Variants in SNRPN observed in about 807,000 individuals in gnomAD.
SNRPN encodes small nuclear ribonucleoprotein polypeptide N, also known as small nuclear ribonucleoprotein-associated protein N.
In SNRPN, 7 loss-of-function variants were observed where a neutral mutation model predicts 25.2. The observed-to-expected ratio is 0.28, with a 90% CI of 0.16 to 0.52. The LOEUF is 0.52. Among genes scored for constraint, SNRPN ranks in the 20% least tolerant of loss-of-function variants. The probability of loss-of-function intolerance (pLI) is 0.96; values close to 1 mark genes in which losing one functional copy is unlikely to be tolerated. For synonymous variants in SNRPN, 124 were observed against 110.6 expected (o/e 1.12, Z -0.76); for missense variants, 196 against 322.5 (o/e 0.61, Z 3.00).
chr15:24,933,946 A>G (rs962491993), intron 3 of SNRPN, among the ~76,000 whole-genome samples: 3 of 152,200 alleles, frequency 2.0e-5, no homozygotes, highest in Non-Finnish European at 4.4e-5. Flanking sequence ...ACCTGTGGCT[A>G]AATTTGGACT....
In SNRPN at chr15:24,977,822, T is replaced by C. The variant is rs1378217455; in HGVS notation, c.465T>C (p.Val155=). ...QGRGTVAAAA[V]AATASIAGAP... Reference sequence around the variant, plus strand: ...GAGGCACTGTAGCAGCTGCTGCTGTTGCTGCGACTGCCAGTATTGCTGGAG... The same window carrying C: ...GAGGCACTGTAGCAGCTGCTGCTGTCGCTGCGACTGCCAGTATTGCTGGAG... Residue 155 remains valine (V), a synonymous_variant, in exon 8 of 10, where the codon GTT becomes GTC. Transcript: ENST00000390687. 1 of 1,613,086 alleles carries C rather than the reference T, an allele frequency of 6.2e-7. No homozygotes were observed. The highest frequency in any genetic ancestry group is 1.3e-5 in the African/African-American group (1 of 74,906).
intron 1 of SNRPN, among the ~76,000 whole-genome samples, chr15:24,878,904 TATGAG>T (rs2056298725): frequency 6.6e-6 from 1 of 152,094 alleles, no homozygotes; most frequent in Non-Finnish European, 1.5e-5. Context: ...ATACCTTTAA[TATGAG>T]AGGACTTGTA....
rs892416586 is a variant in SNRPN at position 24,974,538 on chromosome 15, G to C, written c.3+82G>C. On this transcript the variant is annotated intron_variant, in intron 4 of 9. Transcript: ENST00000390687. ...GTTTGCCAGCATGTGCAGTGATCTT[G>C]GGTTCTGAATGTTAGAAATAAGGAT... The C allele has an allele frequency of 1.8e-5, 24 of 1,329,198 alleles. No homozygotes were observed. In the African/African-American group the frequency reaches 2.6e-4, roughly 14 times the overall value. The allele number at this position is 1,329,198 out of a possible 1,614,324, so 82.3% of individuals were successfully genotyped here.
chr15:24,977,157 C>A (rs2732020), intron 7 of SNRPN, 128 bp downstream of exon 7: 64,276 of 647,886 alleles, frequency 0.099, 4,739 homozygotes, highest in African/African-American at 0.31. Flanking sequence ...GGAACCAAAA[C>A]ACAGATATAT....
At chr15:24,834,639 G>C (rs1251559505) in intron 2 of SNRPN, among the ~76,000 whole-genome samples, 1 of 150,582 alleles carries the variant, frequency 6.6e-6, no homozygotes, top group African/African-American at 2.4e-5. Flanking sequence ...GCCTGAGATG[G>C]GAGCATCACT....
At chr15:24,874,641 G>A (rs2055666855) in intron 1 of SNRPN, among the ~76,000 whole-genome samples, 1 of 152,200 alleles carries the variant, frequency 6.6e-6, no homozygotes. Context: ...GTCTGCACAT[G>A]CATGAACTTG....
At chr15:24,834,728 C>CTCTCCCTCTCTCTCTCTCT (rs2050864758) in intron 2 of SNRPN, among the ~76,000 whole-genome samples, 1 of 42,772 alleles carries the variant, frequency 2.3e-5, no homozygotes. Flanking sequence ...TCTCTCTCTC[C>CTCTCCCTCTCTCTCTCTCT]CTCTCTCTCT....
chr15:24,887,305 G>A (rs1449725717), intron 2 of SNRPN, among the ~76,000 whole-genome samples: 1 of 151,902 alleles, frequency 6.6e-6, no homozygotes, highest in Non-Finnish European at 1.5e-5. Context: ...GCGCCACCAT[G>A]CCTGGCTAAT....
intron 2 of SNRPN, among the ~76,000 whole-genome samples, chr15:24,889,969 G>C (rs1174626241): frequency 6.8e-6 from 1 of 147,454 alleles, no homozygotes; most frequent in Non-Finnish European, 1.5e-5. Context: ...AGAATGGCTT[G>C]AACCCGAGAG....
intron 2 of SNRPN, among the ~76,000 whole-genome samples, chr15:24,832,828 G>A (rs1004555742): frequency 2.6e-5 from 4 of 152,038 alleles, no homozygotes; most frequent in South Asian, 2.1e-4. Context: ...GATGGAGGCC[G>A]GGCGCGGTGG....
In SNRPN at chr15:24,827,531, A is replaced by G. The variant is rs79843066; in HGVS notation, c.-686-2267A>G. Among the ~76,000 whole-genome samples the G allele has an allele frequency of 4.3e-4, 65 of 150,254 alleles. 1 individual carries two copies. The East Asian group carries it at 1.0e-2, about 23-fold the overall frequency. ...ACTCTGTCTCAAAAAAAAAAAAAAAAAAAAGAAACACTGTATGCTTACGCT... is the reference window on the plus strand; with the variant it reads ...ACTCTGTCTCAAAAAAAAAAAAAAAGAAAAGAAACACTGTATGCTTACGCT... On this transcript the variant is annotated intron_variant, in intron 1 of 12. Coordinates refer to the SNRPN transcript ENST00000400100.
At chr15:24,893,324 A>C (rs574315715) in intron 2 of SNRPN, among the ~76,000 whole-genome samples, 1 of 151,172 alleles carries the variant, frequency 6.6e-6, no homozygotes, top group African/African-American at 2.4e-5. Flanking sequence ...AGGTCTTAAA[A>C]AATCCTTTCA....
At chr15:24,912,141 A>G (rs1334823998) in intron 2 of SNRPN, among the ~76,000 whole-genome samples, 8 of 152,012 alleles carry the variant, frequency 5.3e-5, no homozygotes, top group African/African-American at 1.5e-4. Context: ...CTTCTTGCCT[A>G]TTTCCTCCAC....
At chr15:24,957,998 G>A (rs2063197516) in intron 1 of SNRPN, among the ~76,000 whole-genome samples, 1 of 152,104 alleles carries the variant, frequency 6.6e-6, no homozygotes, top group Non-Finnish European at 1.5e-5. Flanking sequence ...GTGATGCAGA[G>A]GAAGGAAGCT....
intron 1 of SNRPN, among the ~76,000 whole-genome samples, chr15:24,829,592 T>G (rs1005259649): frequency 6.6e-6 from 1 of 151,876 alleles, no homozygotes; most frequent in African/African-American, 2.4e-5. Context: ...CTGCATTCTG[T>G]GGGGAGGGAT....
intron 3 of SNRPN, among the ~76,000 whole-genome samples, chr15:24,930,084 C>T (rs2060703677): frequency 6.6e-6 from 1 of 151,652 alleles, no homozygotes; most frequent in African/African-American, 2.4e-5. Context: ...GGCGAGCTTG[C>T]AGTGAGCCGA....
intron 2 of SNRPN, chr15:24,850,203 A>T (rs2052685160): frequency 6.6e-6 from 1 of 152,266 alleles, no homozygotes; most frequent in African/African-American, 2.4e-5. Flanking sequence ...AAGCCATGTC[A>T]TGGCTGCCAA....
chr15:24,952,849 C>T (rs945006923), upstream of SNRPN, among the ~76,000 whole-genome samples: 1 of 151,490 alleles, frequency 6.6e-6, no homozygotes, highest in Non-Finnish European at 1.5e-5. Flanking sequence ...CCAAGAGAAA[C>T]CTAAAGAAAC....
intron 2 of SNRPN, chr15:24,909,666 C>T (rs1386950352): frequency 2.4e-6 from 3 of 1,228,098 alleles, no homozygotes; most frequent in Non-Finnish European, 3.6e-6. Context: ...GTTACACGAA[C>T]TATCATCCTG....
Sources: gnomAD v4.1 joint callset for allele counts (sites outside exome capture counted in the v4.1 genomes callset) on GRCh38, gnomAD v4.1.1 for gene constraint, MANE v1.5 for transcripts, NCBI Gene and HGNC (gene_info 2026-07-23, HGNC 2026-07-21) for gene names.